ERBB4: variants seen among roughly 807,000 people sequenced by gnomAD.
The protein encoded by ERBB4 is erb-b2 receptor tyrosine kinase 4.
Under a neutral mutation model 158.0 loss-of-function variants are expected in ERBB4, and 42 were observed. The ratio of observed to expected loss-of-function variants is 0.27; its 90% CI spans 0.21 to 0.34. The LOEUF (loss-of-function observed/expected upper bound fraction) is 0.34, where lower values mean the gene tolerates loss of function less well. ERBB4 is among the 10% of genes least tolerant of loss of function. The probability of loss-of-function intolerance (pLI) is 1.00; values close to 1 mark genes in which losing one functional copy is unlikely to be tolerated. For synonymous variants in ERBB4, 583 were observed against 558.7 expected (o/e 1.04, Z -0.61); for missense variants, 1,333 against 1,624.1 (o/e 0.82, Z 3.08).
chr2:212,392,414 A>G (rs1266752417), intron 1 of ERBB4, among the ~76,000 whole-genome samples: 2 of 152,098 alleles, frequency 1.3e-5, no homozygotes, highest in Admixed American at 1.3e-4. Flanking sequence ...AAAGGCATAC[A>G]AGAAAGCAAG....
chr2:212,064,558 T>C (rs2077881222), intron 2 of ERBB4, among the ~76,000 whole-genome samples: 1 of 152,150 alleles, frequency 6.6e-6, no homozygotes, highest in Admixed American at 6.6e-5. Flanking sequence ...TCTCTTTTTC[T>C]TCTTTGCACT....
At chr2:211,600,275 T>C (rs1390474784) in intron 19 of ERBB4, among the ~76,000 whole-genome samples, 4 of 152,116 alleles carry the variant, frequency 2.6e-5, no homozygotes, top group Non-Finnish European at 5.9e-5. Flanking sequence ...CCTTCCCAAA[T>C]CCTGCTGAAA....
intron 1 of ERBB4, among the ~76,000 whole-genome samples, chr2:212,197,311 C>T (rs942693338): frequency 6.6e-6 from 1 of 152,156 alleles, no homozygotes; most frequent in African/African-American, 2.4e-5. Context: ...ATTCTTAAGT[C>T]AGCTTAGGTC....
chr2:211,653,627 T>C (rs1331957366), intron 16 of ERBB4, among the ~76,000 whole-genome samples: 1 of 152,092 alleles, frequency 6.6e-6, no homozygotes, highest in Non-Finnish European at 1.5e-5. Flanking sequence ...ATTTGGATAA[T>C]CCGCCAGTTA....
chr2:211,943,351 T>TA lies in ERBB4; in HGVS notation c.421+4078dup, dbSNP rs555845956. ...AATGTTTGGTTAAAAAAGAGGTGAT[T>TA]AAAAAAAGTCAGCAGGACATCCTCA... On this transcript the variant is annotated intron_variant, in intron 3 of 27. Coordinates refer to ENST00000342788, the MANE Select transcript of ERBB4 (RefSeq NM_005235.3). Among the ~76,000 whole-genome samples the TA allele has an allele frequency of 9.9e-5, 15 of 152,100 alleles. No homozygotes were observed. In the South Asian group the frequency reaches 1.9e-3, roughly 19 times the overall value.
intron 1 of ERBB4, among the ~76,000 whole-genome samples, chr2:212,430,591 C>A (rs969467529): frequency 1.3e-5 from 2 of 152,018 alleles, no homozygotes; most frequent in African/African-American, 4.8e-5. Flanking sequence ...CAGGTGCCTA[C>A]CACCACACCT....
chr2:212,211,648 G>A (rs555829442), intron 1 of ERBB4, among the ~76,000 whole-genome samples: 99 of 147,512 alleles, frequency 6.7e-4, no homozygotes, highest in Middle Eastern at 3.6e-3. Context: ...TGTATAGAAT[G>A]TGCAGGTTTG....
intron 2 of ERBB4, among the ~76,000 whole-genome samples, chr2:212,074,791 T>C (rs1318050902): frequency 2.0e-5 from 3 of 151,994 alleles, no homozygotes; most frequent in Non-Finnish European, 2.9e-5. Context: ...ATTTATATTT[T>C]AAACAGCTAG....
chr2:211,683,779 A>G (rs1427593597), intron 12 of ERBB4, among the ~76,000 whole-genome samples: 1 of 150,062 alleles, frequency 6.7e-6, no homozygotes, highest in African/African-American at 2.5e-5. Flanking sequence ...ACTATTTTCT[A>G]GAGTGATTGT....
At chr2:211,807,314 C>T (rs13030764) in intron 3 of ERBB4, among the ~76,000 whole-genome samples, 21,394 of 152,088 alleles carry the variant, frequency 0.14, 1,615 homozygotes, top group Middle Eastern at 0.21. Context: ...CCAAGACAGG[C>T]CCCTGGGTGT....
At chr2:212,365,070 C>G (rs925191427) in intron 1 of ERBB4, among the ~76,000 whole-genome samples, 1 of 151,236 alleles carries the variant, frequency 6.6e-6, no homozygotes, top group Non-Finnish European at 1.5e-5. Context: ...AATTTCTGGT[C>G]ATTTAATTTT....
At chr2:211,779,794 C>T (rs1375984318) in intron 4 of ERBB4, 1 of 152,112 alleles carries the variant, frequency 6.6e-6, no homozygotes, top group African/African-American at 2.4e-5. Flanking sequence ...AATCAAACTC[C>T]CAGAAACTGG....
At chr2:212,538,144 G>A (rs1426363473) in intron 1 of ERBB4, among the ~76,000 whole-genome samples, 1 of 152,152 alleles carries the variant, frequency 6.6e-6, no homozygotes, top group Non-Finnish European at 1.5e-5. Context: ...CCCATGTCCC[G>A]AACAACAGGC....
chr2:211,948,455 A>C (rs934823308), intron 2 of ERBB4, among the ~76,000 whole-genome samples: 33 of 151,166 alleles, frequency 2.2e-4, no homozygotes, highest in South Asian at 1.0e-3. Flanking sequence ...AAAAAAAAAA[A>C]AAAAAAAACC....
chr2:211,911,821 C>CT (rs201039133), intron 3 of ERBB4, among the ~76,000 whole-genome samples: 18,730 of 137,198 alleles, frequency 0.14, 1,984 homozygotes, highest in African/African-American at 0.31. Flanking sequence ...TTATTCTTTT[C>CT]TTTTTTTTTT....
At chr2:211,779,778 A>G (rs2075989075) in intron 4 of ERBB4, 1 of 152,212 alleles carries the variant, frequency 6.6e-6, no homozygotes, top group Admixed American at 6.5e-5. Context: ...AAATGAGAAA[A>G]GAAGGAATCA....
chr2:212,226,478 C>A (rs962029702), intron 1 of ERBB4, among the ~76,000 whole-genome samples: 1 of 151,964 alleles, frequency 6.6e-6, no homozygotes, highest in African/African-American at 2.4e-5. Context: ...AATACAATCC[C>A]AATGCTTTAT....
At chr2:212,363,183 G>A (rs1030941001) in intron 1 of ERBB4, among the ~76,000 whole-genome samples, 1 of 151,132 alleles carries the variant, frequency 6.6e-6, no homozygotes, top group Non-Finnish European at 1.5e-5. Context: ...GTATCCTATG[G>A]TTGTAATTGT....
At chr2:211,630,673 C>G (rs1003591330) in intron 16 of ERBB4, 79 bp from the exon 17 acceptor site, 2 of 1,248,302 alleles carry the variant, frequency 1.6e-6, no homozygotes, top group African/African-American at 3.0e-5. Context: ...AGCAGTTGTA[C>G]AAGACATTAT....
Sources: gnomAD v4.1 joint callset for allele counts (sites outside exome capture counted in the v4.1 genomes callset) on GRCh38, gnomAD v4.1.1 for gene constraint, MANE v1.5 for transcripts, NCBI Gene and HGNC (gene_info 2026-07-23, HGNC 2026-07-21) for gene names.